NTM: variants seen among roughly 807,000 people sequenced by gnomAD.
NTM encodes neurotrimin.
A neutral mutation model predicts 42.1 loss-of-function variants in NTM; 13 were observed. The observed-to-expected ratio is 0.31, with a 90% CI of 0.20 to 0.49. The LOEUF is 0.49. Among genes scored for constraint, NTM ranks in the 20% least tolerant of loss-of-function variants. The probability of loss-of-function intolerance (pLI) is 0.99; values close to 1 mark genes in which losing one functional copy is unlikely to be tolerated. For synonymous variants in NTM, 187 were observed against 179.2 expected (o/e 1.04, Z -0.35); for missense variants, 373 against 452.8 (o/e 0.82, Z 1.60).
At chr11:131,845,538 G>T (rs551699546) in intron 1 of NTM, among the ~76,000 whole-genome samples, 1 of 151,898 alleles carries the variant, frequency 6.6e-6, no homozygotes, top group South Asian at 2.1e-4. Context: ...CCAGAGAGCC[G>T]GGGGAACAAT....
At chr11:132,246,103 T>C (rs1473981335) in intron 4 of NTM, among the ~76,000 whole-genome samples, 1 of 152,148 alleles carries the variant, frequency 6.6e-6, no homozygotes, top group Non-Finnish European at 1.5e-5. Flanking sequence ...ACAGCCTCCT[T>C]AGCAGCACTG....
intron 1 of NTM, among the ~76,000 whole-genome samples, chr11:131,683,323 T>A (rs1296688317): frequency 6.6e-6 from 1 of 152,230 alleles, no homozygotes; most frequent in Non-Finnish European, 1.5e-5. Flanking sequence ...CAGGAGCCCC[T>A]TCGGCAGGGC....
chr11:131,710,474 T>C (rs2077009420), intron 1 of NTM, among the ~76,000 whole-genome samples: 1 of 152,142 alleles, frequency 6.6e-6, no homozygotes, highest in Non-Finnish European at 1.5e-5. Context: ...TCTCTGGCTC[T>C]AGTGTTTCTC....
intron 4 of NTM, among the ~76,000 whole-genome samples, chr11:132,306,680 C>A (rs1427671889): frequency 6.6e-6 from 1 of 152,180 alleles, no homozygotes; most frequent in African/African-American, 2.4e-5. Flanking sequence ...TAATTACTAG[C>A]ACCTCATTTC....
At chr11:132,306,125 G>C (rs1229753128) in intron 4 of NTM, among the ~76,000 whole-genome samples, 1 of 152,192 alleles carries the variant, frequency 6.6e-6, no homozygotes, top group Non-Finnish European at 1.5e-5. Flanking sequence ...TGATCGAATG[G>C]AACAAGGCAG....
intron 1 of NTM, among the ~76,000 whole-genome samples, chr11:131,386,685 C>G (rs1943357051): frequency 6.6e-6 from 1 of 152,196 alleles, no homozygotes; most frequent in Non-Finnish European, 1.5e-5. Context: ...ATACCTGCAG[C>G]CTGGTTTTTC....
intron 1 of NTM, among the ~76,000 whole-genome samples, chr11:131,687,239 A>G (rs1419092591): frequency 6.6e-6 from 1 of 152,148 alleles, no homozygotes; most frequent in Non-Finnish European, 1.5e-5. Context: ...ACGTGACAAC[A>G]CCGTCACGCG....
At chr11:132,053,573 G>C (rs1052805378) in intron 2 of NTM, among the ~76,000 whole-genome samples, 36 of 152,156 alleles carry the variant, frequency 2.4e-4, no homozygotes, top group African/African-American at 8.7e-4. Flanking sequence ...GGAATGTAGA[G>C]GGATTAATGA....
chr11:131,559,928 A>G (rs999543216), intron 1 of NTM, among the ~76,000 whole-genome samples: 2 of 152,220 alleles, frequency 1.3e-5, no homozygotes, highest in Non-Finnish European at 2.9e-5. Context: ...AGTCTCTAGC[A>G]TGGAAAACAG....
rs185807665 is a variant in NTM at position 131,687,238 on chromosome 11, C to T, written c.83-224326C>T. Among the ~76,000 whole-genome samples the T allele has an allele frequency of 1.2e-4, 18 of 152,354 alleles. No homozygotes were observed. In the East Asian group the frequency reaches 3.5e-3, roughly 29 times the overall value. On this transcript the variant is annotated intron_variant, in intron 1 of 8. Coordinates refer to ENST00000683400, the MANE Select transcript of NTM (RefSeq NM_001352005.2). Reference sequence around the variant, plus strand: ...ATTGTACCTGCATGAAACGTGACAACACCGTCACGCGTGGTGTCAGCTGGT... The same window carrying T: ...ATTGTACCTGCATGAAACGTGACAATACCGTCACGCGTGGTGTCAGCTGGT...
At chr11:131,559,047 T>TA (rs1001048777) in intron 1 of NTM, among the ~76,000 whole-genome samples, 61 of 152,326 alleles carry the variant, frequency 4.0e-4, no homozygotes, top group African/African-American at 1.4e-3. Flanking sequence ...ATTTTCTTAA[T>TA]AAAAAATCAA....
At chr11:131,877,256 C>T (rs555647166) in intron 1 of NTM, among the ~76,000 whole-genome samples, 128 of 152,322 alleles carry the variant, frequency 8.4e-4, no homozygotes, top group Non-Finnish European at 1.6e-3. Context: ...TTCATCTCCT[C>T]CCTCCTGTTA....
At chr11:132,329,482 CG>C (rs2095756027) in intron 7 of NTM, among the ~76,000 whole-genome samples, 1 of 152,184 alleles carries the variant, frequency 6.6e-6, no homozygotes, top group Non-Finnish European at 1.5e-5. Context: ...TGTAGCAGCA[CG>C]GGTGTGGGTC....
intron 1 of NTM, among the ~76,000 whole-genome samples, chr11:131,760,447 T>C (rs1477892051): frequency 6.6e-6 from 1 of 152,236 alleles, no homozygotes; most frequent in Non-Finnish European, 1.5e-5. Context: ...GTATTTCCGA[T>C]ATGCTGGTTC....
At chr11:131,746,859 C>T (rs933459953) in intron 1 of NTM, among the ~76,000 whole-genome samples, 1 of 152,008 alleles carries the variant, frequency 6.6e-6, no homozygotes, top group Non-Finnish European at 1.5e-5. Flanking sequence ...TCAGTGATAC[C>T]GAAAAGAATC....
intron 1 of NTM, among the ~76,000 whole-genome samples, chr11:131,389,024 A>AAAAAAGAAAAGAAAAGAAAAGAAAAG (rs774146196): frequency 6.5e-4 from 58 of 89,914 alleles, no homozygotes; most frequent in African/African-American, 1.3e-3. Flanking sequence ...AAAAAAAAAA[A>AAAAAAGAAAAGAAAAGAAAAGAAAAG]AAAAGAAAAG....
At chr11:131,724,798 G>A (rs980298672) in intron 1 of NTM, among the ~76,000 whole-genome samples, 6 of 152,178 alleles carry the variant, frequency 3.9e-5, no homozygotes, top group Admixed American at 3.9e-4. Context: ...GATGGAGGCT[G>A]CCTGAGCAGG....
chr11:131,580,073 G>T (rs766693838), intron 1 of NTM, among the ~76,000 whole-genome samples: 5 of 152,174 alleles, frequency 3.3e-5, no homozygotes, highest in Non-Finnish European at 5.9e-5. Context: ...GCGTGATGAG[G>T]TTGAGCAGTG....
Position 132,045,296 on chromosome 11 carries a change from A to G in NTM, c.168-100986A>G, listed in dbSNP as rs185972093. Among the ~76,000 whole-genome samples the G allele has an allele frequency of 7.2e-5, 11 of 152,294 alleles. No individual in the cohort carries two copies. The East Asian group carries it at 2.1e-3, about 29-fold the overall frequency. ...TTTAAAGGAAGTAGAATAAAAGATGATGTTGAGAAGGAAGTGAAATGGAGA... is the reference window on the plus strand; with the variant it reads ...TTTAAAGGAAGTAGAATAAAAGATGGTGTTGAGAAGGAAGTGAAATGGAGA... On this transcript the variant is annotated intron_variant, in intron 2 of 8. Transcript: ENST00000683400.
Sources: allele counts gnomAD v4.1 joint callset (sites outside exome capture counted in the v4.1 genomes callset), GRCh38; gene constraint gnomAD v4.1.1; transcripts MANE v1.5; gene names NCBI Gene and HGNC (gene_info 2026-07-23, HGNC 2026-07-21).